Variants in CNTN5 observed in about 807,000 individuals in gnomAD.
CNTN5 encodes the protein contactin 5.
CNTN5 carries 77 observed loss-of-function variants against 129.1 expected under a neutral mutation model. The ratio of observed to expected loss-of-function variants is 0.60; its 90% confidence interval spans 0.50 to 0.72. CNTN5 has a LOEUF of 0.72. Among genes scored for constraint, CNTN5 ranks in the 30% least tolerant of loss-of-function variants. CNTN5 has a pLI of 0.00. For synonymous variants in CNTN5, 509 were observed against 465.6 expected (o/e 1.09, Z -1.20); for missense variants, 1,478 against 1,328.8 (o/e 1.11, Z -1.75).
At chr11:99,115,087 T>G (rs1857980642) in intron 1 of CNTN5, among the ~76,000 whole-genome samples, 1 of 152,178 alleles carries the variant, frequency 6.6e-6, no homozygotes, top group Non-Finnish European at 1.5e-5. Flanking sequence ...CAGAATCTGC[T>G]GACACCTTTA....
chr11:99,578,516 C>T lies in CNTN5; in HGVS notation c.55+22247C>T, dbSNP rs958319921. Among the ~76,000 whole-genome samples the T allele has an allele frequency of 3.2e-3, 482 of 150,964 alleles. 7 individuals carry two copies. Among genetic ancestry groups the T allele is most frequent in the African/African-American group, 0.011 (461 of 40,912 alleles). On this transcript the variant is annotated intron_variant, in intron 3 of 24. Coordinates refer to ENST00000524871, the MANE Select transcript of CNTN5 (RefSeq NM_014361.4). ...TTGTTTCCTGACTTTTTAATGATCG[C>T]CATTCTAACTGGTGTCAGATGGTAT... is the stretch of plus-strand genomic sequence containing the variant.
At chr11:100,223,015 G>T (rs906737087) in intron 15 of CNTN5, among the ~76,000 whole-genome samples, 2 of 152,078 alleles carry the variant, frequency 1.3e-5, no homozygotes, top group African/African-American at 4.8e-5. Flanking sequence ...AAAATCAAAG[G>T]TTTTAAAGTT....
chr11:99,644,982 T>TC, intron 3 of CNTN5, among the ~76,000 whole-genome samples: 1 of 151,594 alleles, frequency 6.6e-6, no homozygotes, highest in Admixed American at 6.6e-5. Context: ...AAAAAAATTT[T>TC]GAGGTCAGGC....
At chr11:99,915,991 C>A (rs1949779061) in intron 6 of CNTN5, 63 bp from the exon 7 acceptor site, 13 of 1,273,434 alleles carry the variant, frequency 1.0e-5, no homozygotes, top group Non-Finnish European at 1.5e-5. Flanking sequence ...GTACAAGTTA[C>A]AATCATAGCA....
At chr11:99,972,492 G>A (rs140018728) in intron 8 of CNTN5, among the ~76,000 whole-genome samples, 182 of 152,232 alleles carry the variant, frequency 1.2e-3, no homozygotes, top group Non-Finnish European at 2.0e-3. Flanking sequence ...GAAAGTACTA[G>A]GAATAGTTAA....
intron 1 of CNTN5, among the ~76,000 whole-genome samples, chr11:99,284,021 G>T (rs886977848): frequency 6.6e-6 from 1 of 152,086 alleles, no homozygotes; most frequent in Admixed American, 6.6e-5. Context: ...GGTTGCTGAA[G>T]TCACATAACT....
intron 2 of CNTN5, among the ~76,000 whole-genome samples, chr11:99,398,402 C>T (rs1364770665): frequency 6.6e-6 from 1 of 151,894 alleles, no homozygotes; most frequent in East Asian, 1.9e-4. Flanking sequence ...AAGATTTACT[C>T]TTCATGCTTT....
chr11:100,010,200 T>TG (rs1168927413), intron 9 of CNTN5, among the ~76,000 whole-genome samples: 1 of 152,162 alleles, frequency 6.6e-6, no homozygotes, highest in Non-Finnish European at 1.5e-5. Flanking sequence ...TGTTTTCAAC[T>TG]GGGTGTGCTC....
chr11:99,897,483 G>T (rs760238811), intron 6 of CNTN5, among the ~76,000 whole-genome samples: 16 of 152,020 alleles, frequency 1.1e-4, no homozygotes, highest in Middle Eastern at 6.8e-3. Context: ...AAAGAGGTTG[G>T]TGTTGTATTT....
At chr11:99,246,263 A>C (rs921796360) in intron 1 of CNTN5, among the ~76,000 whole-genome samples, 1 of 151,992 alleles carries the variant, frequency 6.6e-6, no homozygotes. Flanking sequence ...ATTCATCATC[A>C]TTATAAACAT....
At chr11:99,880,129 A>G (rs983057635) in intron 6 of CNTN5, among the ~76,000 whole-genome samples, 2 of 152,212 alleles carry the variant, frequency 1.3e-5, no homozygotes, top group African/African-American at 2.4e-5. Flanking sequence ...CCTCACATGC[A>G]TAGCGTGTGT....
intron 2 of CNTN5, among the ~76,000 whole-genome samples, chr11:99,357,411 A>T (rs1050807539): frequency 6.6e-6 from 1 of 152,142 alleles, no homozygotes; most frequent in African/African-American, 2.4e-5. Context: ...TATACTTGAA[A>T]TTACATAACA....
intron 21 of CNTN5, among the ~76,000 whole-genome samples, chr11:100,332,430 T>C (rs562404229): frequency 6.6e-6 from 1 of 152,192 alleles, no homozygotes; most frequent in African/African-American, 2.4e-5. Flanking sequence ...GTACCAATTC[T>C]ACTGACACTA....
At chr11:100,254,766 A>G (rs1414570385) in intron 16 of CNTN5, among the ~76,000 whole-genome samples, 2 of 151,840 alleles carry the variant, frequency 1.3e-5, no homozygotes, top group East Asian at 3.9e-4. Context: ...CTCTTAATCA[A>G]CAAATCCAGA....
At chr11:99,078,785 G>C (rs1253506716) in intron 1 of CNTN5, among the ~76,000 whole-genome samples, 1 of 152,138 alleles carries the variant, frequency 6.6e-6, no homozygotes, top group Non-Finnish European at 1.5e-5. Flanking sequence ...ATGGCTACCA[G>C]AGGCTGGGAA....
intron 10 of CNTN5, among the ~76,000 whole-genome samples, chr11:100,061,596 C>T (rs1193605830): frequency 2.0e-5 from 3 of 152,156 alleles, no homozygotes; most frequent in Non-Finnish European, 2.9e-5. Flanking sequence ...GGGGAATTAT[C>T]GGTGTCTTTG....
intron 1 of CNTN5, among the ~76,000 whole-genome samples, chr11:99,308,100 T>G (rs1864950535): frequency 6.6e-6 from 1 of 152,208 alleles, no homozygotes; most frequent in Non-Finnish European, 1.5e-5. Context: ...AAAAGCTAAT[T>G]TACTGTCAGG....
At chr11:100,054,800 T>G (rs1463027588) in intron 9 of CNTN5, among the ~76,000 whole-genome samples, 1 of 151,718 alleles carries the variant, frequency 6.6e-6, no homozygotes, top group South Asian at 2.1e-4. Flanking sequence ...TTATATCTCA[T>G]TCATGTAACA....
At chr11:99,995,699 C>T (rs546956423) in intron 8 of CNTN5, among the ~76,000 whole-genome samples, 1 of 152,280 alleles carries the variant, frequency 6.6e-6, no homozygotes, top group South Asian at 2.1e-4. Flanking sequence ...AACACATGCA[C>T]AGTCTCCTCA....
Sources: gnomAD v4.1 joint callset for allele counts (sites outside exome capture counted in the v4.1 genomes callset) on GRCh38, gnomAD v4.1.1 for gene constraint, MANE v1.5 for transcripts, NCBI Gene and HGNC (gene_info 2026-07-23, HGNC 2026-07-21) for gene names.